STK11IP: variants seen among roughly 807,000 people sequenced by gnomAD.
STK11IP encodes serine/threonine kinase 11 interacting protein, also known as serine/threonine-protein kinase 11-interacting protein.
Under a neutral mutation model 131.7 loss-of-function variants are expected in STK11IP, and 103 were observed. The observed-to-expected ratio is 0.78, with a 90% confidence interval of 0.67 to 0.92. STK11IP has a LOEUF of 0.92. Among genes scored for constraint, STK11IP ranks in the 40% least tolerant of loss-of-function variants. The probability of loss-of-function intolerance (pLI) is 0.00; values close to 1 mark genes in which losing one functional copy is unlikely to be tolerated. For missense variants in STK11IP, 1,315 were observed against 1,385.7 expected (o/e 0.95, Z 0.81); for synonymous variants, 557 against 575.6 (o/e 0.97, Z 0.46).
intron 22 of STK11IP, 81 bp from the exon 23 acceptor site, chr2:219,614,395 A>G (rs1698506182): frequency 6.5e-7 from 1 of 1,547,208 alleles, no homozygotes; most frequent in East Asian, 2.3e-5. Context: ...AACCCCCTGC[A>G]GGGCTTTCTT....
At chr2:219,608,925 A>G in intron 15 of STK11IP, 137 bp downstream of exon 15, 2 of 1,165,046 alleles carry the variant, frequency 1.7e-6, no homozygotes, top group Non-Finnish European at 2.4e-6. Context: ...AGAGGTTGCA[A>G]GCACTCGGGA....
rs1372608085 is a variant in STK11IP at position 219,605,891 on chromosome 2, A to C, written c.746-65A>C. On this transcript the variant is annotated intron_variant, in intron 8 of 24. Transcript: ENST00000456909. ...TTTCTGCTGCAACCTCCCCCAGTGC[A>C]TGCACCACACTCACTTGCGTGTACT... 42 of 1,483,472 alleles carry C rather than the reference A, an allele frequency of 2.8e-5. 1 individual carries two copies. Among genetic ancestry groups the C allele is most frequent in the South Asian group, 3.6e-5 (3 of 82,932 alleles). 91.9% of individuals were successfully genotyped at this position (1,483,472 alleles called of 1,614,324 possible).
intron 24 of STK11IP, 124 bp downstream of exon 24, chr2:219,615,465 A>G (rs942196821): frequency 5.4e-6 from 7 of 1,307,170 alleles, no homozygotes; most frequent in African/African-American, 4.4e-5. Context: ...TGGCACTTAC[A>G]GATGAGAGAA....
At chr2:219,615,709 G>A in intron 24 of STK11IP, 1 of 641,718 alleles carries the variant, frequency 1.6e-6, no homozygotes, top group South Asian at 1.5e-5. Context: ...ATTTACAGGT[G>A]AGGAAGCTGA....
intron 8 of STK11IP, 86 bp from the exon 9 acceptor site, chr2:219,605,870 T>C (rs1475541137): frequency 1.8e-5 from 26 of 1,478,610 alleles, no homozygotes; most frequent in Admixed American, 9.8e-5. Context: ...CCGGTCTTTC[T>C]GCTGCAACCT....
In STK11IP at chr2:219,608,264, C is replaced by G. The variant is rs780732834; in HGVS notation, c.1437C>G (p.Pro479=). Residue 479 remains proline, a synonymous_variant, in exon 14 of 25, where the codon CCC becomes CCG. Transcript: ENST00000456909. ...CCCCGCAGGAGGAAGCCAGAGGCCC[C>G]CAGGAGTCACCACAGAAAATGTCAG... ...PSPPQEEARG[P]QESPQKMSEE... The G allele has an allele frequency of 3.1e-6, 5 of 1,613,356 alleles. No individual in the cohort carries two copies. Among genetic ancestry groups the G allele is most frequent in the Non-Finnish European group, 4.2e-6 (5 of 1,179,802 alleles).
At chr2:219,604,678 T>G (rs1244120556) in intron 7 of STK11IP, among the ~76,000 whole-genome samples, 3 of 152,210 alleles carry the variant, frequency 2.0e-5, no homozygotes, top group Non-Finnish European at 4.4e-5. Context: ...TCTATGTTTC[T>G]TTAGATGGTG....
At chr2:219,615,993 C>T (rs1458524296) in intron 24 of STK11IP, 51 bp from the exon 25 acceptor site, 3 of 1,599,716 alleles carry the variant, frequency 1.9e-6, no homozygotes, top group Admixed American at 1.7e-5. Context: ...CTTGTACCCA[C>T]CCTGGTGTGG....
chr2:219,600,174 G>A lies in STK11IP; in HGVS notation c.62-1061G>A, dbSNP rs202016247. ...GCCTCCTGGCTTCCAGCTGTTCTCT[G>A]GCCTCAGCCCCTCGAGTAGCTGGGA... On this transcript the variant is annotated intron_variant, in intron 2 of 24. Transcript: ENST00000456909. Among the ~76,000 whole-genome samples, 8 of 145,806 alleles carry A rather than the reference G, an allele frequency of 5.5e-5. No homozygotes were observed. The East Asian group carries it at 1.2e-3, about 23-fold the overall frequency.
In STK11IP at chr2:219,605,971, G is replaced by C; in HGVS notation, c.761G>C (p.Arg254Thr). ...LRSLHGLEQLRNLRHLDLAYN... is the reference protein window; with the variant it reads ...LRSLHGLEQLTNLRHLDLAYN... ...TCCACCCCAGGCCTAGAGCAGCTGA[G>C]GAATCTGCGGCACCTGGATTTGGCA... Residue 254 changes from arginine to threonine, a missense_variant, in exon 9 of 25, where the codon AGG (arginine) becomes ACG (threonine). Transcript: ENST00000456909. 7 of 1,606,096 alleles carry C rather than the reference G, an allele frequency of 4.4e-6. No homozygotes were observed. Among genetic ancestry groups the C allele is most frequent in the Non-Finnish European group, 6.0e-6 (7 of 1,176,424 alleles).
In STK11IP at chr2:219,609,365, G is replaced by C. The variant is rs775221455; in HGVS notation, c.1929G>C (p.Glu643Asp). The change falls in exon 17 of 25, where the codon GAG becomes GAC. Residue 643 changes from glutamate to aspartate, a missense_variant and splice_region_variant. By Grantham distance (45) the Glu-to-Asp change is conservative. Coordinates refer to ENST00000456909, the MANE Select transcript of STK11IP (RefSeq NM_052902.4). Reference protein sequence around the residue: ...LEPDAHAAVQELLAVLTPVTN... With the variant: ...LEPDAHAAVQDLLAVLTPVTN... ...GCCTCTGATCCACCCTCTGTCAGGA[G>C]CTGCTTGCCGTGTTGACCCCAGTCA... 6.2e-7 allele frequency: 1 copy of C among 1,613,602 alleles called. No individual in the cohort carries two copies. Among genetic ancestry groups the C allele is most frequent in the Admixed American group, 1.7e-5 (1 of 60,006 alleles).
At chr2:219,603,994 C>T (rs768171278) in intron 7 of STK11IP, among the ~76,000 whole-genome samples, 4 of 151,974 alleles carry the variant, frequency 2.6e-5, no homozygotes, top group Non-Finnish European at 5.9e-5. Flanking sequence ...TGGAAATGTA[C>T]GAAAAGCAGA....
chr2:219,608,635 A>G lies in STK11IP; in HGVS notation c.1656A>G (p.Val552=). The change falls in exon 15 of 25, where the codon GTA becomes GTG. Residue 552 remains valine (V), a synonymous_variant. Transcript: ENST00000456909. ...LVCPLEGPEG[V]RGRECFLRVT... is the part of the protein sequence containing the mutation. ...GTCCCCTGGAGGGGCCTGAGGGCGT[A>G]CGGGGCAGGGAATGCTTTCTCAGGG... is the stretch of plus-strand genomic sequence containing the variant. 6.2e-7 allele frequency: 1 copy of G among 1,612,814 alleles called. No homozygotes were observed. Among genetic ancestry groups the G allele is most frequent in the African/African-American group, 1.3e-5 (1 of 75,004 alleles).
chr2:219,600,072 T>G lies in STK11IP; in HGVS notation c.62-1163T>G, dbSNP rs868216521. Reference sequence around the variant, plus strand: ...TTTTTTGTTTTTGTTTTTTTTTTTTTTTTTTTTTGAGATGGAGTCTACCTC... The same window carrying G: ...TTTTTTGTTTTTGTTTTTTTTTTTTGTTTTTTTTGAGATGGAGTCTACCTC... On this transcript the variant is annotated intron_variant, in intron 2 of 24. Coordinates refer to ENST00000456909, the MANE Select transcript of STK11IP (RefSeq NM_052902.4). 6.7e-4 allele frequency among the ~76,000 whole-genome samples: 95 copies of G among 142,094 alleles called. 3 individuals are homozygous for G. Among genetic ancestry groups the G allele is most frequent in the East Asian group, 3.6e-3 (18 of 4,956 alleles). 93.2% of individuals were successfully genotyped at this position (142,094 alleles called of 152,430 possible).
chr2:219,613,637 G>C, intron 20 of STK11IP, 115 bp from the exon 21 acceptor site: 1 of 1,196,342 alleles, frequency 8.4e-7, no homozygotes, highest in Non-Finnish European at 1.2e-6. Flanking sequence ...GATGGGGTGT[G>C]GTGAGCGCAC....
chr2:219,614,630 A>G (rs757448070), intron 23 of STK11IP, 84 bp downstream of exon 23: 10 of 1,378,284 alleles, frequency 7.3e-6, no homozygotes, highest in South Asian at 3.6e-5. Context: ...GCACCTGTAC[A>G]GTGCCCTTGC....
At position 219,602,520 on chromosome 2, in the gene STK11IP, C is replaced by T; in HGVS notation, c.491C>T (p.Ala164Val). Reference sequence around the variant, plus strand: ...TTCTGCTCTGCCCTCCCTTGGCTGGCTCTGCTTTCTGCCAACTTCAGCTAC... The same window carrying T: ...TTCTGCTCTGCCCTCCCTTGGCTGGTTCTGCTTTCTGCCAACTTCAGCTAC... ...GDFCSALPWL[A>V]LLSANFSYNA... Residue 164 changes from alanine to valine, a missense_variant, in exon 6 of 25, where the codon GCT becomes GTT. By Grantham distance (64) the Ala-to-Val change is moderately conservative (BLOSUM62 0). Transcript: ENST00000456909. 6.2e-7 allele frequency: 1 copy of T among 1,614,028 alleles called. No homozygotes were observed. The highest frequency in any genetic ancestry group is 8.5e-7 in the Non-Finnish European group (1 of 1,179,900).
At chr2:219,608,881 C>T (rs1055811165) in intron 15 of STK11IP, 93 bp downstream of exon 15, 1 of 1,360,108 alleles carries the variant, frequency 7.4e-7, no homozygotes, top group Non-Finnish European at 9.9e-7. Flanking sequence ...CTTTCAGTCT[C>T]TCCTTGGCAC....
In STK11IP at chr2:219,613,991, A is replaced by G. The variant is rs544069369; in HGVS notation, c.2716+61A>G. ...GGAGGGTGGGCAGGGCCTTGGGGCC[A>G]GGCTCCCCACCTGGTACCCAGTAGC... On this transcript the variant is annotated intron_variant, in intron 21 of 24. Transcript: ENST00000456909. 61 of 1,510,708 alleles carry G rather than the reference A, an allele frequency of 4.0e-5. No individual in the cohort carries two copies. The South Asian group carries it at 7.1e-4, about 17-fold the overall frequency. The allele number at this position is 1,510,708 out of a possible 1,614,324, so 93.6% of individuals were successfully genotyped here.
Sources: allele counts gnomAD v4.1 joint callset (sites outside exome capture counted in the v4.1 genomes callset), GRCh38; gene constraint gnomAD v4.1.1; transcripts MANE v1.5; gene names NCBI Gene and HGNC (gene_info 2026-07-23, HGNC 2026-07-21).